HS6ST2: variants seen among roughly 807,000 people sequenced by gnomAD.
The protein encoded by HS6ST2 is heparan-sulfate 6-O-sulfotransferase 2.
HS6ST2 carries 17 observed loss-of-function variants against 33.0 expected under a neutral mutation model. The ratio of observed to expected loss-of-function variants is 0.52; its 90% CI spans 0.35 to 0.77. The LOEUF is 0.77. Ranked by LOEUF, HS6ST2 falls within the 30% of genes least tolerant of loss-of-function variation. HS6ST2 has a pLI of 0.01. For synonymous variants in HS6ST2, 248 were observed against 237.1 expected (o/e 1.05, Z -0.42); for missense variants, 519 against 551.7 (o/e 0.94, Z 0.59).
At chrX:132,856,686 C>T (rs1231340681) in intron 2 of HS6ST2, among the ~76,000 whole-genome samples, 1 of 110,570 alleles carries the variant, frequency 9.0e-6, no homozygotes, top group African/African-American at 3.3e-5. Context: ...CCTCTGATAG[C>T]CCGGGGAAAA....
intron 2 of HS6ST2, among the ~76,000 whole-genome samples, chrX:132,847,100 T>C (rs2065757911): frequency 9.0e-6 from 1 of 111,491 alleles, no homozygotes; most frequent in Non-Finnish European, 1.9e-5. Context: ...CTTGAAACAC[T>C]ACAGCTGTAT....
intron 3 of HS6ST2, among the ~76,000 whole-genome samples, chrX:132,675,541 C>T (rs190695803): frequency 1.8e-5 from 2 of 111,856 alleles, no homozygotes; most frequent in African/African-American, 6.5e-5. Flanking sequence ...TGCCCATAGT[C>T]TGCTTCTCCC....
chrX:132,881,332 G>A (rs1347914855), intron 2 of HS6ST2, among the ~76,000 whole-genome samples: 1 of 111,353 alleles, frequency 9.0e-6, no homozygotes, highest in Non-Finnish European at 1.9e-5. Flanking sequence ...ACTGGTGTGA[G>A]ATGGTATCTC....
intron 2 of HS6ST2, among the ~76,000 whole-genome samples, chrX:132,891,538 C>T (rs1602824607): frequency 2.7e-5 from 3 of 109,379 alleles, no homozygotes; most frequent in East Asian, 5.8e-4. Context: ...CTCCACACTC[C>T]CCCCACCCCA....
chrX:132,884,537 C>T (rs1485393265), intron 2 of HS6ST2, among the ~76,000 whole-genome samples: 3 of 111,742 alleles, frequency 2.7e-5, no homozygotes, highest in Non-Finnish European at 5.6e-5. Context: ...CACTAAGTGC[C>T]ATCACAAAGT....
intron 2 of HS6ST2, among the ~76,000 whole-genome samples, chrX:132,944,203 T>C (rs1230975197): frequency 9.0e-6 from 1 of 111,481 alleles, no homozygotes; most frequent in Non-Finnish European, 1.9e-5. Flanking sequence ...CAAGCATTCT[T>C]ATACACCAAT....
rs5903834 is a variant in HS6ST2 at position 132,727,236 on chromosome X, TGG to T, written c.948-18744_948-18743del. On this transcript the variant is annotated intron_variant, in intron 2 of 4. Transcript: ENST00000370833. ...GTGGTAGAACTATTACTAGCATTATTGGGGGGGGGGGCATAGAGATGAATAAA... is the reference window on the plus strand; with the variant it reads ...GTGGTAGAACTATTACTAGCATTATTGGGGGGGGGCATAGAGATGAATAAA... Among the ~76,000 whole-genome samples the T allele has an allele frequency of 6.4e-3, 539 of 83,637 alleles. 5 individuals are homozygous for T. The highest frequency in any genetic ancestry group is 0.022 in the African/African-American group (493 of 22,918). 72.6% of individuals were successfully genotyped at this position (83,637 alleles called of 115,157 possible).
chrX:132,816,655 T>A (rs1275213135), intron 2 of HS6ST2, among the ~76,000 whole-genome samples: 1 of 111,997 alleles, frequency 8.9e-6, no homozygotes, highest in Non-Finnish European at 1.9e-5. Flanking sequence ...AGCTCATGCA[T>A]CTGATTGACT....
chrX:132,861,937 T>C (rs932832652), intron 2 of HS6ST2, among the ~76,000 whole-genome samples: 1 of 112,415 alleles, frequency 8.9e-6, no homozygotes, highest in Non-Finnish European at 1.9e-5. Flanking sequence ...GAACTTACCA[T>C]GGAACAGATG....
At chrX:132,753,216 G>C (rs186571510) in intron 2 of HS6ST2, among the ~76,000 whole-genome samples, 1 of 112,297 alleles carries the variant, frequency 8.9e-6, no homozygotes, top group Admixed American at 9.4e-5. Flanking sequence ...TGCACACTGA[G>C]CTTCATCTAA....
chrX:132,727,204 A>G (rs1032897885), intron 2 of HS6ST2, among the ~76,000 whole-genome samples: 6 of 97,384 alleles, frequency 6.2e-5, no homozygotes, highest in African/African-American at 2.2e-4. Context: ...TGTTCTGAGC[A>G]CCAGCTGTGG....
rs767919732 is a variant in HS6ST2, at chrX:132,717,670, T to A, written c.948-9176A>T. Reference sequence around the variant, plus strand: ...TAGTAGTCTTTGTCACTGTGGCAAATCCACACATCCAGGGCTGTGCTTGAG... The same window carrying A: ...TAGTAGTCTTTGTCACTGTGGCAAAACCACACATCCAGGGCTGTGCTTGAG... On this transcript the variant is annotated intron_variant, in intron 2 of 4. Coordinates refer to ENST00000370833, the MANE Select transcript of HS6ST2 (RefSeq NM_001394073.1). Among the ~76,000 whole-genome samples the A allele has an allele frequency of 6.2e-5, 7 of 112,344 alleles. No homozygotes were observed. In the South Asian group the frequency reaches 2.6e-3, roughly 42 times the overall value.
At chrX:132,704,031 T>C (rs2064166966) in intron 3 of HS6ST2, among the ~76,000 whole-genome samples, 1 of 111,838 alleles carries the variant, frequency 8.9e-6, no homozygotes, top group South Asian at 3.8e-4. Context: ...TCTGTAAATA[T>C]CTGCAGAATG....
intron 2 of HS6ST2, among the ~76,000 whole-genome samples, chrX:132,844,876 A>T (rs903880634): frequency 1.8e-5 from 2 of 110,387 alleles, no homozygotes; most frequent in African/African-American, 6.6e-5. Flanking sequence ...TCAGCATTTC[A>T]GAGGCATCTA....
chrX:132,959,411 G>A (rs1046104364), upstream of HS6ST2, among the ~76,000 whole-genome samples: 2 of 111,969 alleles, frequency 1.8e-5, no homozygotes, highest in African/African-American at 3.2e-5. Context: ...TGGTGTTTCC[G>A]TGACTGAGTG....
At chrX:132,867,098 A>G in intron 2 of HS6ST2, among the ~76,000 whole-genome samples, 1 of 96,281 alleles carries the variant, frequency 1.0e-5, no homozygotes, top group Admixed American at 1.1e-4. Flanking sequence ...CCCATTCAGT[A>G]TGATATTGGC....
At chrX:132,664,131 C>A (rs1209877547) in intron 4 of HS6ST2, among the ~76,000 whole-genome samples, 1 of 111,913 alleles carries the variant, frequency 8.9e-6, no homozygotes, top group Non-Finnish European at 1.9e-5. Context: ...CTGCCTCAGC[C>A]TCCCGAGTAG....
rs1303423422 is a variant in HS6ST2, at chrX:132,657,210, AAAAT to A, written c.1067+11899_1067+11902del. Among the ~76,000 whole-genome samples the A allele has an allele frequency of 5.4e-5, 6 of 111,352 alleles. No individual in the cohort carries two copies. In the Middle Eastern group the frequency reaches 0.018, roughly 341 times the overall value. On this transcript the variant is annotated intron_variant, in intron 4 of 4. Coordinates refer to ENST00000370833, the MANE Select transcript of HS6ST2 (RefSeq NM_001394073.1). Reference sequence around the variant, plus strand: ...CTCCCAAATTACAAGCAAGCAGAAAAAAATAACAACATTATGCATGTGTTTCCTC... The same window carrying A: ...CTCCCAAATTACAAGCAAGCAGAAAAAACAACATTATGCATGTGTTTCCTC...
intron 2 of HS6ST2, among the ~76,000 whole-genome samples, chrX:132,812,572 CT>C (rs1277961318): frequency 1.1e-3 from 85 of 76,924 alleles, no homozygotes; most frequent in Middle Eastern, 6.0e-3. Context: ...ATTTGTATAT[CT>C]TTTTTTTTTT....
Sources: gnomAD v4.1 joint callset for allele counts (sites outside exome capture counted in the v4.1 genomes callset) on GRCh38, gnomAD v4.1.1 for gene constraint, MANE v1.5 for transcripts, NCBI Gene and HGNC (gene_info 2026-07-23, HGNC 2026-07-21) for gene names.